The following KLF12 variants were observed in gnomAD, a reference collection of about 807,000 sequenced individuals.
The protein encoded by KLF12 is Krueppel-like factor 12.
KLF12 carries 9 observed loss-of-function variants against 37.8 expected under a neutral mutation model. The ratio of observed to expected loss-of-function variants is 0.24; its 90% confidence interval spans 0.14 to 0.42. KLF12 has a LOEUF of 0.42. Ranked by LOEUF, KLF12 falls within the 10% of genes least tolerant of loss-of-function variation. The pLI is 1.00. For synonymous variants in KLF12, 208 were observed against 202.1 expected, an observed-to-expected ratio of 1.03 and a Z score of -0.25; for missense variants, 411 against 516.0, an observed-to-expected ratio of 0.80 and a Z score of 1.97.
chr13:73,806,665 GAA>G lies in KLF12; in HGVS notation c.806+6485_806+6486del, dbSNP rs1226560081. Among the ~76,000 whole-genome samples, 6 of 142,078 alleles carry G rather than the reference GAA, an allele frequency of 4.2e-5. No homozygotes were observed. In the East Asian group the frequency reaches 1.0e-3, roughly 24 times the overall value. The allele number at this position is 142,078 out of a possible 152,430, so 93.2% of individuals were successfully genotyped here. ...AAAAACAAACAAAAAAAAAAAAAAA[GAA>G]AGAAAAGAAAACTTCTGAGACCTCT... On this transcript the variant is annotated intron_variant, in intron 5 of 7. Coordinates refer to ENST00000377669, the MANE Select transcript of KLF12 (RefSeq NM_007249.5).
chr13:73,807,308 T>TCA (rs1555308269), intron 5 of KLF12, among the ~76,000 whole-genome samples: 2 of 145,554 alleles, frequency 1.4e-5, no homozygotes, highest in Admixed American at 6.8e-5. Context: ...AAATTCCATC[T>TCA]AAAAAAAAAA....
intron 5 of KLF12, among the ~76,000 whole-genome samples, chr13:73,810,972 A>AT (rs1882898081): frequency 2.6e-5 from 2 of 77,272 alleles, no homozygotes; most frequent in East Asian, 3.0e-4. Context: ...TATTTTTTTA[A>AT]TTTTTCTTTC....
chr13:73,768,483 A>G (rs1880064074), intron 5 of KLF12, among the ~76,000 whole-genome samples: 2 of 152,252 alleles, frequency 1.3e-5, no homozygotes, highest in Admixed American at 6.5e-5. Flanking sequence ...CAAACCAAGA[A>G]ATAAACATGG....
the KLF12 span, among the ~76,000 whole-genome samples, chr13:74,300,240 T>A: frequency 1.3e-5 from 2 of 152,154 alleles, no homozygotes; most frequent in African/African-American, 2.4e-5. Flanking sequence ...AAAAAAAGTG[T>A]TTATTTAATC....
chr13:74,205,975 T>C, the KLF12 span, among the ~76,000 whole-genome samples: 1 of 152,130 alleles, frequency 6.6e-6, no homozygotes, highest in African/African-American at 2.4e-5. Flanking sequence ...GACACAGAGA[T>C]GACAAGAGAT....
the KLF12 span, among the ~76,000 whole-genome samples, chr13:74,263,400 CTA>C: frequency 6.6e-6 from 1 of 152,278 alleles, no homozygotes; most frequent in South Asian, 2.1e-4. Context: ...GACTCTGACT[CTA>C]TGAATATATG....
the KLF12 span, among the ~76,000 whole-genome samples, chr13:74,251,115 C>G: frequency 3.3e-5 from 5 of 152,138 alleles, 1 homozygote; most frequent in African/African-American, 1.2e-4. Flanking sequence ...CTATGAATCT[C>G]GTGAACTCAT....
chr13:73,854,326 G>A (rs1361263744), intron 3 of KLF12, among the ~76,000 whole-genome samples: 4 of 152,036 alleles, frequency 2.6e-5, no homozygotes, highest in Non-Finnish European at 4.4e-5. Flanking sequence ...TATCATCCTC[G>A]AACAGATTAA....
chr13:73,822,520 AG>A (rs1883585833), intron 4 of KLF12, among the ~76,000 whole-genome samples: 1 of 152,212 alleles, frequency 6.6e-6, no homozygotes, highest in South Asian at 2.1e-4. Context: ...ATTTGAGCCT[AG>A]GAATTCAAGA....
At chr13:74,241,933 C>A in the KLF12 span, among the ~76,000 whole-genome samples, 3 of 152,266 alleles carry the variant, frequency 2.0e-5, no homozygotes, top group South Asian at 2.1e-4. Flanking sequence ...AGCTGTAGAC[C>A]GGAGCTGTTC....
the KLF12 span, among the ~76,000 whole-genome samples, chr13:74,245,303 ATC>A: frequency 7.1e-6 from 1 of 141,828 alleles, no homozygotes; most frequent in Non-Finnish European, 1.5e-5. Flanking sequence ...TTATCTATCT[ATC>A]TATCTATCTA....
At chr13:74,193,063 G>A in the KLF12 span, among the ~76,000 whole-genome samples, 9 of 145,238 alleles carry the variant, frequency 6.2e-5, no homozygotes, top group African/African-American at 2.3e-4. Flanking sequence ...ACTGCAACCT[G>A]CGGTTCCCGG....
the KLF12 span, among the ~76,000 whole-genome samples, chr13:74,203,405 G>T: frequency 6.6e-6 from 1 of 152,056 alleles, no homozygotes; most frequent in African/African-American, 2.4e-5. Flanking sequence ...CATCTCATCA[G>T]ATTTGTAAAT....
At chr13:74,189,749 A>C in the KLF12 span, among the ~76,000 whole-genome samples, 1 of 152,146 alleles carries the variant, frequency 6.6e-6, no homozygotes, top group Non-Finnish European at 1.5e-5. Context: ...ATTCATCCAC[A>C]TATGTTATAC....
chr13:73,806,988 T>C (rs1459750481), intron 5 of KLF12, among the ~76,000 whole-genome samples: 1 of 152,066 alleles, frequency 6.6e-6, no homozygotes. Context: ...CTAACTTTCT[T>C]TGACTGTTAA....
chr13:73,863,221 G>A (rs1433039837), intron 3 of KLF12, among the ~76,000 whole-genome samples: 1 of 152,052 alleles, frequency 6.6e-6, no homozygotes, highest in Admixed American at 6.5e-5. Context: ...ATTTTCCTGT[G>A]AATAACTGAC....
the KLF12 span, among the ~76,000 whole-genome samples, chr13:74,281,878 C>T: frequency 6.6e-6 from 1 of 152,268 alleles, no homozygotes; most frequent in East Asian, 1.9e-4. Flanking sequence ...TGTTTCTACT[C>T]AACATTGCTA....
intron 2 of KLF12, among the ~76,000 whole-genome samples, chr13:73,983,283 C>T (rs989598570): frequency 2.6e-5 from 4 of 152,198 alleles, no homozygotes; most frequent in Admixed American, 2.6e-4. Context: ...ACTTGCTTTC[C>T]AGCCCTGCTG....
rs978863405 is a variant in KLF12, at chr13:73,688,593, C to T, written c.*6897G>A. The T allele has an allele frequency of 2.6e-5, 4 of 152,104 alleles. No individual in the cohort carries two copies. The highest frequency in any genetic ancestry group is 9.7e-5 in the African/African-American group (4 of 41,418). The allele number at this position is 152,104 out of a possible 1,614,324, so 9.4% of individuals were successfully genotyped here. ...TAAGTATTTGGATGATTTTGGAGCT[C>T]CAGGCCAGACATTTATGAGAAAAGT... is the stretch of plus-strand genomic sequence containing the variant. On this transcript the variant is annotated 3_prime_UTR_variant, in exon 8 of 8. Transcript: ENST00000377669.
Sources: gnomAD v4.1 joint callset for allele counts (sites outside exome capture counted in the v4.1 genomes callset) on GRCh38, gnomAD v4.1.1 for gene constraint, MANE v1.5 for transcripts, NCBI Gene and HGNC (gene_info 2026-07-23, HGNC 2026-07-21) for gene names.